The following WWOX variants were observed in gnomAD, a reference collection of about 807,000 sequenced individuals.
WWOX encodes the protein WW domain containing oxidoreductase.
In WWOX, 69 loss-of-function variants were observed where a neutral mutation model predicts 46.2. The ratio of observed to expected loss-of-function variants is 1.49; its 90% CI spans 1.23 to 1.82. The LOEUF (loss-of-function observed/expected upper bound fraction) is 1.82. WWOX is among the 40% of genes most tolerant of loss of function. The pLI, the probability that WWOX is intolerant of heterozygous loss-of-function variation, is 0.00. For synonymous variants in WWOX, 359 were observed against 202.6 expected, an observed-to-expected ratio of 1.77 and a Z score of -6.56; for missense variants, 919 against 542.6, an observed-to-expected ratio of 1.69 and a Z score of -6.89.
intron 8 of WWOX, among the ~76,000 whole-genome samples, chr16:78,475,989 T>C (rs2084339988): frequency 6.6e-6 from 1 of 152,220 alleles, no homozygotes; most frequent in Non-Finnish European, 1.5e-5. Context: ...CCTAGGTTTT[T>C]CTTTCCTCCA....
chr16:78,498,214 A>AAAGAAAAG (rs1555549962), intron 8 of WWOX, among the ~76,000 whole-genome samples: 27 of 128,216 alleles, frequency 2.1e-4, no homozygotes, highest in African/African-American at 6.6e-4. Context: ...CAAAAAAAAA[A>AAAGAAAAG]AAAAGAAAAA....
chr16:78,227,861 G>T lies in WWOX; in HGVS notation c.516+63572G>T, dbSNP rs191312761. ...AGTGCACTCCAGCCTGGGTGACAGA[G>T]CGAAACTCTGTCTCAAAAAACAAAC... On this transcript the variant is annotated intron_variant, in intron 5 of 8. Coordinates refer to ENST00000566780, the MANE Select transcript of WWOX (RefSeq NM_016373.4). Among the ~76,000 whole-genome samples, 263 of 152,230 alleles carry T rather than the reference G, an allele frequency of 1.7e-3. 2 individuals carry two copies. The highest frequency in any genetic ancestry group is 2.9e-3 in the Non-Finnish European group (198 of 68,020).
intron 8 of WWOX, among the ~76,000 whole-genome samples, chr16:78,634,837 A>AGTGT (rs59374463): frequency 8.2e-4 from 92 of 111,774 alleles, no homozygotes; most frequent in African/African-American, 1.2e-3. Context: ...AGAGAGAGAG[A>AGTGT]GTGTGTGTGT....
chr16:79,103,771 C>A (rs1274127079), intron 8 of WWOX, among the ~76,000 whole-genome samples: 1 of 152,028 alleles, frequency 6.6e-6, no homozygotes, highest in East Asian at 1.9e-4. Flanking sequence ...GTTTCTGAGT[C>A]CTCAAGGATG....
rs147518060 is a variant in WWOX, at chr16:78,781,373, C to A, written c.1056+348621C>A. On this transcript the variant is annotated intron_variant, in intron 8 of 8. Transcript: ENST00000566780. ...GAAATCTGCACCCCACCTTGCTATC[C>A]ACCACTGGTATTCCGTCAGTCTTAC... Among the ~76,000 whole-genome samples the A allele has an allele frequency of 5.9e-5, 9 of 152,262 alleles. No individual in the cohort carries two copies. In the East Asian group the frequency reaches 1.7e-3, roughly 29 times the overall value.
At chr16:78,780,229 T>A (rs922946270) in intron 8 of WWOX, among the ~76,000 whole-genome samples, 11 of 152,148 alleles carry the variant, frequency 7.2e-5, no homozygotes, top group African/African-American at 2.7e-4. Flanking sequence ...ATACCATTCT[T>A]AACATCTCTG....
intron 8 of WWOX, among the ~76,000 whole-genome samples, chr16:78,886,184 C>G (rs1412098567): frequency 6.6e-6 from 1 of 150,930 alleles, no homozygotes; most frequent in African/African-American, 2.4e-5. Flanking sequence ...CTCGGCCTCC[C>G]AAAGTGCTCG....
intron 8 of WWOX, among the ~76,000 whole-genome samples, chr16:78,449,544 G>A (rs1346321584): frequency 6.6e-6 from 1 of 152,124 alleles, no homozygotes; most frequent in East Asian, 1.9e-4. Flanking sequence ...CCTGCCTGAA[G>A]CCATAGCATT....
intron 8 of WWOX, chr16:79,004,168 C>T (rs902697235): frequency 6.6e-6 from 1 of 152,196 alleles, no homozygotes; most frequent in African/African-American, 2.4e-5. Context: ...AGAGAGAAGA[C>T]CACTGGTTTT....
intron 8 of WWOX, among the ~76,000 whole-genome samples, chr16:78,815,351 C>G (rs867391292): frequency 4.0e-5 from 6 of 151,898 alleles, no homozygotes; most frequent in Admixed American, 1.3e-4. Flanking sequence ...AAGAAGGTTT[C>G]ATACATTTTA....
intron 8 of WWOX, among the ~76,000 whole-genome samples, chr16:79,039,444 C>T (rs1457881783): frequency 6.6e-6 from 1 of 152,128 alleles, no homozygotes; most frequent in Non-Finnish European, 1.5e-5. Flanking sequence ...GAGCAGCTTC[C>T]TCCTGGGCAC....
chr16:78,493,665 G>A (rs1303308905), intron 8 of WWOX, among the ~76,000 whole-genome samples: 1 of 152,126 alleles, frequency 6.6e-6, no homozygotes, highest in African/African-American at 2.4e-5. Flanking sequence ...ATGTATAGAA[G>A]CGTATAATCC....
intron 8 of WWOX, among the ~76,000 whole-genome samples, chr16:78,751,330 CAA>C (rs1315838945): frequency 6.7e-6 from 1 of 150,212 alleles, no homozygotes; most frequent in Non-Finnish European, 1.5e-5. Context: ...GAGTCAAAAG[CAA>C]AGAGTTTTCA....
chr16:78,208,632 C>G (rs1285884852), intron 5 of WWOX, among the ~76,000 whole-genome samples: 1 of 152,128 alleles, frequency 6.6e-6, no homozygotes, highest in African/African-American at 2.4e-5. Context: ...ATAAATTTAG[C>G]TGTTTAGGAA....
chr16:78,318,315 A>G (rs1474865710), intron 5 of WWOX, among the ~76,000 whole-genome samples: 1 of 137,440 alleles, frequency 7.3e-6, no homozygotes, highest in East Asian at 2.1e-4. Context: ...ACAGTTCTAG[A>G]AAAGTGTTGG....
At chr16:78,549,841 C>T (rs938145826) in intron 8 of WWOX, among the ~76,000 whole-genome samples, 2 of 152,022 alleles carry the variant, frequency 1.3e-5, no homozygotes, top group African/African-American at 2.4e-5. Context: ...GTATGTAGGG[C>T]AGGAACCCCA....
At chr16:79,013,428 T>G (rs1249886877) in intron 8 of WWOX, among the ~76,000 whole-genome samples, 1 of 152,114 alleles carries the variant, frequency 6.6e-6, no homozygotes, top group African/African-American at 2.4e-5. Context: ...TTCCCTGGAG[T>G]TATTTTTTTC....
chr16:78,825,903 T>C, intron 8 of WWOX: 1 of 704,858 alleles, frequency 1.4e-6, no homozygotes. Context: ...CACGTGAGCA[T>C]CATGGAACCC....
chr16:79,162,934 C>T (rs182131387), intron 8 of WWOX, among the ~76,000 whole-genome samples: 1 of 152,316 alleles, frequency 6.6e-6, no homozygotes, highest in Admixed American at 6.5e-5. Flanking sequence ...TTTCCCATCT[C>T]TGGGAAGAGA....
Sources: gnomAD v4.1 joint callset for allele counts (sites outside exome capture counted in the v4.1 genomes callset) on GRCh38, gnomAD v4.1.1 for gene constraint, MANE v1.5 for transcripts, NCBI Gene and HGNC (gene_info 2026-07-23, HGNC 2026-07-21) for gene names.